Variants in ITGA1 observed in about 807,000 individuals in gnomAD.
ITGA1 encodes the protein integrin alpha-1.
A neutral mutation model predicts 145.9 loss-of-function variants in ITGA1; 85 were observed. The ratio of observed to expected loss-of-function variants is 0.58; its 90% CI spans 0.49 to 0.70. The LOEUF (loss-of-function observed/expected upper bound fraction) is 0.70, where lower values mean the gene tolerates loss of function less well. Among genes scored for constraint, ITGA1 ranks in the 30% least tolerant of loss-of-function variants. The pLI is 0.00. For missense variants in ITGA1, 1,351 were observed against 1,418.7 expected, an observed-to-expected ratio of 0.95 and a Z score of 0.77; for synonymous variants, 520 against 495.3, an observed-to-expected ratio of 1.05 and a Z score of -0.66.
intron 8 of ITGA1, among the ~76,000 whole-genome samples, chr5:52,890,618 A>G (rs905868399): frequency 6.6e-6 from 1 of 152,196 alleles, no homozygotes; most frequent in African/African-American, 2.4e-5. Context: ...ATAGCTGTAC[A>G]TATTTACCTG....
chr5:52,899,999 A>T (rs993818480), intron 11 of ITGA1, among the ~76,000 whole-genome samples: 3 of 152,188 alleles, frequency 2.0e-5, no homozygotes, highest in African/African-American at 7.2e-5. Flanking sequence ...GAGTACCAGC[A>T]ATGTGCCAAA....
chr5:52,822,547 A>G (rs993211769), intron 1 of ITGA1, among the ~76,000 whole-genome samples: 3 of 152,152 alleles, frequency 2.0e-5, no homozygotes, highest in African/African-American at 7.2e-5. Flanking sequence ...TGCTCTGCAT[A>G]GGGGATATGG....
intron 11 of ITGA1, chr5:52,902,495 T>TA (rs1750330515): frequency 6.6e-6 from 1 of 152,230 alleles, no homozygotes; most frequent in South Asian, 2.1e-4. Context: ...AGAAGTGAAT[T>TA]ATGAGAGCTG....
In ITGA1 at chr5:52,937,423, C is replaced by T; in HGVS notation, c.2987C>T (p.Pro996Leu). 2 of 1,612,078 alleles carry T rather than the reference C, an allele frequency of 1.2e-6. No individual in the cohort carries two copies. The change falls in exon 24 of 29, where the codon CCA becomes CTA. Residue 996 changes from proline to leucine, a missense_variant. Physicochemically the swap from Pro to Leu is moderately conservative, Grantham distance 98. Transcript: ENST00000282588. ...FYLIRKSGSF[P>L]MPELKLSISF... ...TAGATTAGAAAAAGTGGATCTTTTC[C>T]AATGCCAGAGCTTAAGCTGTCAATT... is the stretch of plus-strand genomic sequence containing the variant.
At chr5:52,952,090 T>C (rs1467597360) in intron 28 of ITGA1, among the ~76,000 whole-genome samples, 2 of 151,124 alleles carry the variant, frequency 1.3e-5, no homozygotes, top group African/African-American at 2.4e-5. Context: ...CCCAGGAGGC[T>C]GAGGCAGGAG....
At chr5:52,805,879 C>T (rs538498663) in intron 1 of ITGA1, among the ~76,000 whole-genome samples, 2 of 152,214 alleles carry the variant, frequency 1.3e-5, no homozygotes, top group African/African-American at 2.4e-5. Flanking sequence ...TTACATCTTT[C>T]TTAATGATTT....
At chr5:52,824,130 TAAATC>T in intron 1 of ITGA1, among the ~76,000 whole-genome samples, 1 of 152,158 alleles carries the variant, frequency 6.6e-6, no homozygotes, top group East Asian at 1.9e-4. Context: ...TAGTAATCAT[TAAATC>T]AAATAATTAT....
chr5:52,851,726 G>T (rs1333864057), intron 2 of ITGA1, among the ~76,000 whole-genome samples: 2 of 152,152 alleles, frequency 1.3e-5, no homozygotes, highest in African/African-American at 4.8e-5. Flanking sequence ...AGAGATCGGG[G>T]ACTATGCCTT....
At chr5:52,795,525 T>C (rs1748323969) in intron 1 of ITGA1, among the ~76,000 whole-genome samples, 1 of 151,930 alleles carries the variant, frequency 6.6e-6, no homozygotes. Context: ...ATAGGAAAGA[T>C]AGTAATTCAA....
chr5:52,832,888 G>A (rs924652928), intron 1 of ITGA1, among the ~76,000 whole-genome samples: 1 of 147,614 alleles, frequency 6.8e-6, no homozygotes, highest in African/African-American at 2.5e-5. Flanking sequence ...ATTTTGTTAA[G>A]CCATCAAAAG....
intron 20 of ITGA1, among the ~76,000 whole-genome samples, 170 bp downstream of exon 20, chr5:52,927,834 C>G (rs1033401007): frequency 1.3e-5 from 2 of 152,126 alleles, no homozygotes; most frequent in Non-Finnish European, 2.9e-5. Context: ...TTGTGCCCCA[C>G]CAAAATTCAT....
intron 14 of ITGA1, among the ~76,000 whole-genome samples, chr5:52,913,629 G>A (rs1447104080): frequency 6.6e-6 from 1 of 152,130 alleles, no homozygotes; most frequent in East Asian, 1.9e-4. Context: ...AGTAATCATA[G>A]TTGGTTAGAT....
intron 1 of ITGA1, among the ~76,000 whole-genome samples, chr5:52,838,526 T>C (rs1749199640): frequency 6.6e-6 from 1 of 152,198 alleles, no homozygotes. Context: ...ATTTAGTCAG[T>C]TGAATTCCAT....
At chr5:52,873,560 T>C (rs530911063) in intron 6 of ITGA1, among the ~76,000 whole-genome samples, 1 of 152,328 alleles carries the variant, frequency 6.6e-6, no homozygotes, top group African/African-American at 2.4e-5. Flanking sequence ...AATGACAAAA[T>C]GTTAAACCTA....
intron 1 of ITGA1, among the ~76,000 whole-genome samples, chr5:52,812,565 T>A (rs1343822592): frequency 6.6e-6 from 1 of 152,202 alleles, no homozygotes; most frequent in Non-Finnish European, 1.5e-5. Flanking sequence ...ACATTAGCTC[T>A]GGACTAGAAA....
chr5:52,813,287 T>C (rs989648236), intron 1 of ITGA1, among the ~76,000 whole-genome samples: 1 of 152,168 alleles, frequency 6.6e-6, no homozygotes, highest in African/African-American at 2.4e-5. Context: ...GCTATTAGGT[T>C]AGATGTTAGG....
At chr5:52,817,254 G>T (rs977372627) in intron 1 of ITGA1, among the ~76,000 whole-genome samples, 9 of 152,160 alleles carry the variant, frequency 5.9e-5, no homozygotes, top group African/African-American at 1.9e-4. Context: ...AGAAGGAAGT[G>T]TCCCAGGCTT....
chr5:52,899,699 T>C (rs533572659), intron 11 of ITGA1, among the ~76,000 whole-genome samples: 1 of 152,164 alleles, frequency 6.6e-6, no homozygotes, highest in Non-Finnish European at 1.5e-5. Context: ...AAATTGAAGG[T>C]TAGAAAACAA....
chr5:52,912,658 T>G (rs1317571656), intron 14 of ITGA1, among the ~76,000 whole-genome samples: 2 of 147,676 alleles, frequency 1.4e-5, no homozygotes, highest in Non-Finnish European at 3.0e-5. Flanking sequence ...ACACTATATA[T>G]AGTGTATCTA....
Sources: allele counts gnomAD v4.1 joint callset (sites outside exome capture counted in the v4.1 genomes callset), GRCh38; gene constraint gnomAD v4.1.1; transcripts MANE v1.5; gene names NCBI Gene and HGNC (gene_info 2026-07-23, HGNC 2026-07-21).